XPNPEP1: variants seen among roughly 807,000 people sequenced by gnomAD.
XPNPEP1 encodes xaa-Pro aminopeptidase 1.
In XPNPEP1, 39 loss-of-function variants were observed where a neutral mutation model predicts 92.4. The observed-to-expected ratio is 0.42, with a 90% CI of 0.33 to 0.55. XPNPEP1 has a LOEUF of 0.55. Ranked by LOEUF, XPNPEP1 falls within the 20% of genes least tolerant of loss-of-function variation. XPNPEP1 has a pLI of 0.08. For synonymous variants in XPNPEP1, 307 were observed against 299.4 expected (o/e 1.03, Z -0.26); for missense variants, 654 against 856.1 (o/e 0.76, Z 2.95).
intron 8 of XPNPEP1, 79 bp downstream of exon 8, chr10:109,886,167 T>C (rs1016048825): frequency 2.7e-5 from 39 of 1,436,166 alleles, no homozygotes; most frequent in Non-Finnish European, 3.8e-5. Context: ...GAAAGTTGAA[T>C]GGCATGAACA....
chr10:109,886,581 G>A (rs1255959074), intron 7 of XPNPEP1, among the ~76,000 whole-genome samples: 1 of 152,232 alleles, frequency 6.6e-6, no homozygotes, highest in Non-Finnish European at 1.5e-5. Context: ...ACAAATGCCT[G>A]TGTAACATCT....
At chr10:109,917,049 C>T (rs1173022885) in intron 1 of XPNPEP1, among the ~76,000 whole-genome samples, 1 of 149,534 alleles carries the variant, frequency 6.7e-6, no homozygotes, top group Non-Finnish European at 1.5e-5. Context: ...CCCCTATAAT[C>T]TAGGGAATGT....
chr10:109,885,803 G>A (rs554224512), intron 8 of XPNPEP1, among the ~76,000 whole-genome samples: 39 of 152,288 alleles, frequency 2.6e-4, no homozygotes, highest in African/African-American at 8.9e-4. Flanking sequence ...CAAAGGGCTT[G>A]GGGAGGAACT....
chr10:109,883,758 A>T (rs969220757), intron 9 of XPNPEP1: 15 of 261,892 alleles, frequency 5.7e-5, no homozygotes, highest in African/African-American at 3.3e-4. Context: ...TGCATTGTGG[A>T]CCCAGAATTG....
chr10:109,923,142 C>A (rs1248987836), intron 1 of XPNPEP1: 1 of 983,474 alleles, frequency 1.0e-6, no homozygotes, highest in African/African-American at 1.7e-5. Flanking sequence ...GCAGCAGTTC[C>A]GCGGGCATAC....
Position 109,878,008 on chromosome 10 carries a change from C to G in XPNPEP1, c.1233G>C (p.Glu411Asp). The change falls in exon 13 of 21, where the codon GAG becomes GAC. Residue 411 changes from glutamate (E) to aspartate (D), a missense_variant. Glu to Asp is a conservative substitution (Grantham distance 45). Transcript: ENST00000502935. Reference protein sequence around the residue: ...TEISAADKAEEFRRQQADFVD... With the variant: ...TEISAADKAEDFRRQQADFVD... ...CCCAAATGGATCCTTACCTGCGAAACTCCTCAGCTTTGTCAGCAGCTGAGA... is the reference window on the plus strand; with the variant it reads ...CCCAAATGGATCCTTACCTGCGAAAGTCCTCAGCTTTGTCAGCAGCTGAGA... 1 of 1,614,240 alleles carries G rather than the reference C, an allele frequency of 6.2e-7. No individual in the cohort carries two copies. The highest frequency in any genetic ancestry group is 1.1e-5 in the South Asian group (1 of 91,088).
rs182894061 is a variant in XPNPEP1, at chr10:109,887,968, C to T, written c.652+81G>A. On this transcript the variant is annotated intron_variant, in intron 7 of 20. Transcript: ENST00000502935. ...TGTCAGCTCCAACTCGACTTGGATT[C>T]GGAGGACGAGGCTGGAGACAATAGC... The T allele has an allele frequency of 1.0e-3, 1,550 of 1,552,252 alleles. 2 individuals are homozygous for T. The highest frequency in any genetic ancestry group is 3.1e-3 in the Middle Eastern group (14 of 4,578).
At chr10:109,878,450 A>C in intron 12 of XPNPEP1, 1 of 174,914 alleles carries the variant, frequency 5.7e-6, no homozygotes, top group East Asian at 1.5e-4. Context: ...AATTAAAAAC[A>C]ACCCAAACAT....
At position 109,877,609 on chromosome 10, in the gene XPNPEP1, G is replaced by A. The variant is rs1847854372; in HGVS notation, c.1319+181C>T. ...GAGCCTAAGAAGAGGCTCCCAAAAG[G>A]CAGAGGCTTGGGGATTGGGAGAAAA... is the stretch of plus-strand genomic sequence containing the variant. On this transcript the variant is annotated intron_variant, in intron 14 of 20. Transcript: ENST00000502935. 3.2e-5 allele frequency: 24 copies of A among 749,076 alleles called. 1 individual carries two copies. The South Asian group carries it at 3.9e-4, about 12-fold the overall frequency. The allele number at this position is 749,076 out of a possible 1,614,324, so 46.4% of individuals were successfully genotyped here.
chr10:109,875,405 T>C, intron 15 of XPNPEP1, 123 bp downstream of exon 15: 2 of 761,248 alleles, frequency 2.6e-6, no homozygotes, highest in Non-Finnish European at 4.4e-6. Flanking sequence ...CAGGAACGAT[T>C]CCATTAGTGG....
At chr10:109,907,961 C>T in intron 2 of XPNPEP1, 146 bp from the exon 3 acceptor site, 2 of 1,164,574 alleles carry the variant, frequency 1.7e-6, no homozygotes, top group Non-Finnish European at 2.4e-6. Flanking sequence ...ACCACCAGAC[C>T]AAGACCAAAG....
At chr10:109,911,394 CA>C (rs1554883925) in intron 2 of XPNPEP1, among the ~76,000 whole-genome samples, 1 of 152,160 alleles carries the variant, frequency 6.6e-6, no homozygotes, top group Non-Finnish European at 1.5e-5. Context: ...TACAGGTACA[CA>C]CCACCACATC....
Position 109,868,524 on chromosome 10 carries a change from A to G in XPNPEP1, c.1872+90T>C. On this transcript the variant is annotated intron_variant, in intron 20 of 20. Coordinates refer to ENST00000502935, the MANE Select transcript of XPNPEP1 (RefSeq NM_020383.4). ...ATTACAAAGTGAGACTGGATTAGAGAATTTAGGATTTAGAGGATGGATTAG... is the reference window on the plus strand; with the variant it reads ...ATTACAAAGTGAGACTGGATTAGAGGATTTAGGATTTAGAGGATGGATTAG... The G allele has an allele frequency of 6.1e-6, 7 of 1,148,938 alleles. No individual in the cohort carries two copies. In the South Asian group the frequency reaches 1.0e-4, roughly 16 times the overall value. 71.2% of individuals were successfully genotyped at this position (1,148,938 alleles called of 1,614,324 possible).
chr10:109,918,813 A>G (rs1388872596), intron 1 of XPNPEP1, among the ~76,000 whole-genome samples: 14 of 146,096 alleles, frequency 9.6e-5, no homozygotes, highest in African/African-American at 3.0e-4. Context: ...AGGAAAGGAA[A>G]GAAAGGAAAG....
Position 109,905,676 on chromosome 10 carries a change from T to C in XPNPEP1, c.246+2015A>G, listed in dbSNP as rs545285045. On this transcript the variant is annotated intron_variant, in intron 3 of 20. Transcript: ENST00000502935. The stretch of plus-strand genomic sequence containing the variant: ...TGTGCATGTAGTTAACACTACAGTA[T>C]TGTACATTTTTAAATGGTTAAAATA... 1.3e-3 allele frequency among the ~76,000 whole-genome samples: 195 copies of C among 152,364 alleles called. 5 individuals carry two copies. Among genetic ancestry groups the C allele is most frequent in the Non-Finnish European group, 3.4e-4 (23 of 68,036 alleles).
intron 9 of XPNPEP1, among the ~76,000 whole-genome samples, 168 bp from the exon 10 acceptor site, chr10:109,882,810 TG>T (rs538912817): frequency 6.1e-4 from 93 of 152,260 alleles, no homozygotes; most frequent in African/African-American, 2.2e-3. Flanking sequence ...GTGCATTCCC[TG>T]CCCCCATCCA....
At chr10:109,905,054 A>G (rs1849483359) in intron 3 of XPNPEP1, among the ~76,000 whole-genome samples, 1 of 152,190 alleles carries the variant, frequency 6.6e-6, no homozygotes, top group African/African-American at 2.4e-5. Context: ...AAAAGTCTCT[A>G]AATAAAATGG....
At chr10:109,909,048 A>C (rs1849713867) in intron 2 of XPNPEP1, among the ~76,000 whole-genome samples, 1 of 152,062 alleles carries the variant, frequency 6.6e-6, no homozygotes, top group African/African-American at 2.4e-5. Flanking sequence ...AAGCAGGCGG[A>C]CCACAAGGTC....
intron 3 of XPNPEP1, among the ~76,000 whole-genome samples, chr10:109,901,235 G>A (rs897414660): frequency 1.5e-5 from 2 of 129,754 alleles, no homozygotes; most frequent in African/African-American, 5.9e-5. Context: ...CTGAACAATG[G>A]AACATCACAC....
Sources: allele counts gnomAD v4.1 joint callset (sites outside exome capture counted in the v4.1 genomes callset), GRCh38; gene constraint gnomAD v4.1.1; transcripts MANE v1.5; gene names NCBI Gene and HGNC (gene_info 2026-07-23, HGNC 2026-07-21).